ARHGAP44: variants seen among roughly 807,000 people sequenced by gnomAD.
ARHGAP44 encodes the protein Rho GTPase activating protein 44.
ARHGAP44 carries 43 observed loss-of-function variants against 106.8 expected under a neutral mutation model. The observed-to-expected ratio is 0.40, with a 90% CI of 0.32 to 0.52. The LOEUF (loss-of-function observed/expected upper bound fraction) is 0.52. Among genes scored for constraint, ARHGAP44 ranks in the 20% least tolerant of loss-of-function variants. ARHGAP44 has a pLI of 0.48. For synonymous variants in ARHGAP44, 439 were observed against 410.3 expected (o/e 1.07, Z -0.85); for missense variants, 866 against 1,050.5 (o/e 0.82, Z 2.43).
chr17:12,794,183 T>C (rs765634372), intron 1 of ARHGAP44, among the ~76,000 whole-genome samples: 1 of 152,174 alleles, frequency 6.6e-6, no homozygotes, highest in African/African-American at 2.4e-5. Flanking sequence ...GGAAGTGACA[T>C]TTGCTTGATG....
At chr17:12,953,275 G>C (rs537267165) in intron 13 of ARHGAP44, among the ~76,000 whole-genome samples, 3 of 152,308 alleles carry the variant, frequency 2.0e-5, no homozygotes, top group East Asian at 3.9e-4. Flanking sequence ...GCGCGCTGCA[G>C]ATCCTTCTCC....
rs71144942 is a variant in ARHGAP44 at position 12,989,101 on chromosome 17, C to CAAAAAA, written c.2318-912_2318-907dup. On this transcript the variant is annotated intron_variant, in intron 20 of 20. Transcript: ENST00000379672. ...GACAAGAGCGAAACTCCACCCCCCC[C>CAAAAAA]AAAAAAAAAAAAAAAAAAAAAAAAC... 3.1e-4 allele frequency among the ~76,000 whole-genome samples: 14 copies of CAAAAAA among 45,146 alleles called. 2 individuals are homozygous for CAAAAAA. The highest frequency in any genetic ancestry group is 5.1e-4 in the African/African-American group (6 of 11,726). 29.6% of individuals were successfully genotyped at this position (45,146 alleles called of 152,430 possible). A position where few individuals can be genotyped will look rare whatever the true frequency, so the allele number is the denominator to read the frequency against.
At chr17:12,864,284 T>G (rs2036172573) in intron 1 of ARHGAP44, among the ~76,000 whole-genome samples, 1 of 152,128 alleles carries the variant, frequency 6.6e-6, no homozygotes, top group Admixed American at 6.5e-5. Context: ...GTGTGTATGA[T>G]TTTTCTTTTC....
At chr17:12,920,122 A>AT (rs752918128) in intron 6 of ARHGAP44, among the ~76,000 whole-genome samples, 96 of 152,084 alleles carry the variant, frequency 6.3e-4, no homozygotes, top group Non-Finnish European at 2.2e-4. Context: ...CACACCTGTA[A>AT]CCCAGCACTT....
chr17:12,955,237 C>T (rs2039098264), intron 13 of ARHGAP44, among the ~76,000 whole-genome samples: 1 of 152,176 alleles, frequency 6.6e-6, no homozygotes, highest in South Asian at 2.1e-4. Context: ...GGACATACCA[C>T]ATTTAATTTA....
intron 16 of ARHGAP44, among the ~76,000 whole-genome samples, chr17:12,962,385 T>C (rs1265744096): frequency 6.6e-6 from 1 of 152,160 alleles, no homozygotes; most frequent in African/African-American, 2.4e-5. Flanking sequence ...ATCATTGTGG[T>C]AGGTAAAATA....
chr17:12,903,892 G>A (rs534413040), intron 3 of ARHGAP44, among the ~76,000 whole-genome samples: 1 of 152,226 alleles, frequency 6.6e-6, no homozygotes, highest in East Asian at 1.9e-4. Context: ...GCAATCTTAG[G>A]TTATATGAGA....
intron 19 of ARHGAP44, among the ~76,000 whole-genome samples, chr17:12,983,623 G>A (rs567429170): frequency 6.3e-4 from 96 of 152,272 alleles, no homozygotes; most frequent in Non-Finnish European, 1.2e-3. Flanking sequence ...TGACCAACAT[G>A]GAGAAACCCT....
intron 1 of ARHGAP44, among the ~76,000 whole-genome samples, chr17:12,845,515 A>C (rs528078180): frequency 2.9e-4 from 38 of 130,964 alleles, no homozygotes; most frequent in Middle Eastern, 3.2e-3. Flanking sequence ...TCAAAAAAAA[A>C]AAAAAAACAA....
chr17:12,841,636 A>AAAAAAAAG (rs1567642381), intron 1 of ARHGAP44, among the ~76,000 whole-genome samples: 4 of 110,904 alleles, frequency 3.6e-5, no homozygotes, highest in African/African-American at 1.2e-4. Flanking sequence ...ACACACACAC[A>AAAAAAAAG]CACAAACAAA....
intron 1 of ARHGAP44, among the ~76,000 whole-genome samples, chr17:12,848,047 CAG>C (rs2035622811): frequency 6.6e-6 from 1 of 152,148 alleles, no homozygotes; most frequent in South Asian, 2.1e-4. Context: ...CTCTTTGGAG[CAG>C]AGGTGTTTCT....
chr17:12,886,066 T>C (rs2036873331), intron 1 of ARHGAP44, among the ~76,000 whole-genome samples: 1 of 152,154 alleles, frequency 6.6e-6, no homozygotes, highest in South Asian at 2.1e-4. Context: ...TTTGCCTATT[T>C]ATGTATTCTG....
At chr17:12,911,060 A>C (rs936937928) in intron 4 of ARHGAP44, among the ~76,000 whole-genome samples, 1 of 151,818 alleles carries the variant, frequency 6.6e-6, no homozygotes, top group Non-Finnish European at 1.5e-5. Context: ...AAAAAAAAAA[A>C]AAAACCACAT....
chr17:12,875,956 T>A (rs111285257), intron 1 of ARHGAP44, among the ~76,000 whole-genome samples: 1 of 44,376 alleles, frequency 2.3e-5, no homozygotes, highest in Non-Finnish European at 9.8e-5. Context: ...AAAAAAAAAA[T>A]GTATTGATGA....
rs1413393605 is a variant in ARHGAP44 at position 12,928,910 on chromosome 17, T to C, written c.465-19T>C. The C allele has an allele frequency of 3.1e-6, 5 of 1,599,428 alleles. No individual in the cohort carries two copies. Among genetic ancestry groups the C allele is most frequent in the Middle Eastern group, 3.3e-4 (2 of 6,040 alleles). On this transcript the variant is annotated intron_variant, in intron 6 of 20. Transcript: ENST00000379672. ...GGCTCTACCTGTCTCACATCTCTTT[T>C]TCTCCTATTTTCCATCAGGTGGCAG...
intron 16 of ARHGAP44, among the ~76,000 whole-genome samples, chr17:12,961,456 C>G (rs2039258436): frequency 6.6e-6 from 1 of 152,098 alleles, no homozygotes; most frequent in African/African-American, 2.4e-5. Flanking sequence ...AAATTCAGGC[C>G]GGGCGTGGTG....
chr17:12,828,419 A>G (rs929945084), intron 1 of ARHGAP44, among the ~76,000 whole-genome samples: 3 of 152,052 alleles, frequency 2.0e-5, no homozygotes, highest in Non-Finnish European at 4.4e-5. Context: ...CCTAATCACA[A>G]TAGAAGTTGA....
intron 19 of ARHGAP44, among the ~76,000 whole-genome samples, chr17:12,984,146 CCACT>C (rs2039898418): frequency 6.6e-6 from 1 of 152,160 alleles, no homozygotes; most frequent in Non-Finnish European, 1.5e-5. Flanking sequence ...GGACCCTGCC[CCACT>C]GACTCACTCT....
rs532989076 is a variant in ARHGAP44, at chr17:12,811,170, A to G, written c.53+21279A>G. Among the ~76,000 whole-genome samples, 15 of 151,964 alleles carry G rather than the reference A, an allele frequency of 9.9e-5. No homozygotes were observed. In the East Asian group the frequency reaches 2.7e-3, roughly 28 times the overall value. ...TACTAAAAATACAAAAAAATTAGCC[A>G]GGCGTGGTGGCGGGCGCCTGTAGTC... On this transcript the variant is annotated intron_variant, in intron 1 of 20. Transcript: ENST00000379672.
Sources: gnomAD v4.1 joint callset for allele counts (sites outside exome capture counted in the v4.1 genomes callset) on GRCh38, gnomAD v4.1.1 for gene constraint, MANE v1.5 for transcripts, NCBI Gene and HGNC (gene_info 2026-07-23, HGNC 2026-07-21) for gene names.